Variants in CDKL5 observed in about 807,000 individuals in gnomAD.
CDKL5 encodes cyclin dependent kinase like 5.
A neutral mutation model predicts 61.7 loss-of-function variants in CDKL5; 8 were observed. The ratio of observed to expected loss-of-function variants is 0.13; its 90% CI spans 0.08 to 0.23. The LOEUF (loss-of-function observed/expected upper bound fraction) is 0.23. Among genes scored for constraint, CDKL5 ranks in the 10% least tolerant of loss-of-function variants. The pLI, the probability that CDKL5 is intolerant of heterozygous loss-of-function variation, is 1.00. For synonymous variants in CDKL5, 275 were observed against 272.3 expected, an observed-to-expected ratio of 1.01 and a Z score of -0.10; for missense variants, 440 against 734.5, an observed-to-expected ratio of 0.60 and a Z score of 4.63.
At chrX:18,460,294 C>G (rs1023912495) in intron 1 of CDKL5, among the ~76,000 whole-genome samples, 18 of 110,490 alleles carry the variant, frequency 1.6e-4, no homozygotes, top group African/African-American at 4.9e-4. Flanking sequence ...GTACTACACA[C>G]TTTTAAACAA....
chrX:18,432,970 G>A (rs2147617401), intron 1 of CDKL5, among the ~76,000 whole-genome samples: 1 of 112,154 alleles, frequency 8.9e-6, no homozygotes, highest in African/African-American at 3.2e-5. Flanking sequence ...GCTCACGCCT[G>A]TAATCCCAGC....
intron 1 of CDKL5, among the ~76,000 whole-genome samples, chrX:18,474,120 C>T (rs2147066571): frequency 9.0e-6 from 1 of 110,888 alleles, no homozygotes; most frequent in South Asian, 3.8e-4. Context: ...CCACCCGCAC[C>T]ATCCCAAAGT....
intron 3 of CDKL5, among the ~76,000 whole-genome samples, chrX:18,544,678 C>G (rs1464354169): frequency 8.9e-6 from 1 of 111,807 alleles, no homozygotes; most frequent in African/African-American, 3.2e-5. Context: ...CTATTATTTG[C>G]TTGAAATTAA....
At chrX:18,497,518 A>T (rs753115884) in intron 1 of CDKL5, 1 of 112,109 alleles carries the variant, frequency 8.9e-6, no homozygotes, top group Non-Finnish European at 1.9e-5. Context: ...GTTTAATGTG[A>T]TACTGCAATG....
At chrX:18,579,168 A>G (rs955508988) in intron 5 of CDKL5, among the ~76,000 whole-genome samples, 1 of 111,819 alleles carries the variant, frequency 8.9e-6, no homozygotes, top group Admixed American at 9.5e-5. Flanking sequence ...CTTGTACTTT[A>G]CAGTGAGAAA....
chrX:18,645,871 C>G, intron 19 of CDKL5: 1 of 944,732 alleles, frequency 1.1e-6, no homozygotes, highest in East Asian at 3.3e-5. Flanking sequence ...CCTAGTCTCC[C>G]TTGCAACTAG....
chrX:18,616,749 A>G (rs1926729202), intron 15 of CDKL5, among the ~76,000 whole-genome samples: 1 of 112,117 alleles, frequency 8.9e-6, no homozygotes, highest in Non-Finnish European at 1.9e-5. Flanking sequence ...TTGTCATCAT[A>G]ACTTTCAGAG....
chrX:18,648,568 C>T (rs2043379354), intron 20 of CDKL5, among the ~76,000 whole-genome samples: 1 of 111,567 alleles, frequency 9.0e-6, no homozygotes. Flanking sequence ...CTAAAGAGCT[C>T]TCCTTTTATT....
chrX:18,566,187 T>G (rs1318577972), intron 4 of CDKL5, among the ~76,000 whole-genome samples: 1 of 111,941 alleles, frequency 8.9e-6, no homozygotes, highest in Non-Finnish European at 1.9e-5. Context: ...GGTCTCACAC[T>G]GTCACCCAGG....
chrX:18,469,882 T>G (rs1485252683), intron 1 of CDKL5, among the ~76,000 whole-genome samples: 1 of 112,100 alleles, frequency 8.9e-6, no homozygotes, highest in Admixed American at 9.6e-5. Context: ...AATCCCCAAA[T>G]GACAAATTGA....
chrX:18,578,984 G>C (rs1394591317), intron 5 of CDKL5, among the ~76,000 whole-genome samples: 2 of 111,792 alleles, frequency 1.8e-5, no homozygotes, highest in African/African-American at 3.3e-5. Flanking sequence ...TGTACCATTA[G>C]TGTAAATGCC....
chrX:18,480,528 T>G (rs1178001227), intron 1 of CDKL5, among the ~76,000 whole-genome samples: 1 of 111,824 alleles, frequency 8.9e-6, no homozygotes, highest in Non-Finnish European at 1.9e-5. Flanking sequence ...AGTTACTATG[T>G]GCAGCCCACA....
intron 9 of CDKL5, 45 bp from the exon 10 acceptor site, chrX:18,595,303 T>C (rs1925954778): frequency 2.2e-6 from 2 of 925,427 alleles, no homozygotes; most frequent in Non-Finnish European, 3.1e-6. Context: ...TGCACACACA[T>C]GTCCTTCCCC....
At chrX:18,574,948 A>G (rs765984504) in intron 4 of CDKL5, among the ~76,000 whole-genome samples, 7 of 112,048 alleles carry the variant, frequency 6.2e-5, no homozygotes, top group Non-Finnish European at 9.4e-5. Context: ...GCACACTGAC[A>G]GTTTTGATTC....
chrX:18,448,501 G>A (rs951659380), intron 1 of CDKL5, among the ~76,000 whole-genome samples: 1 of 111,869 alleles, frequency 8.9e-6, no homozygotes, highest in African/African-American at 3.2e-5. Flanking sequence ...TTTACTTTTT[G>A]TCTTTTGCCT....
rs1927181096 is a variant in CDKL5, at chrX:18,629,737, A to G, written c.*980A>G. On this transcript the variant is annotated 3_prime_UTR_variant, in exon 18 of 18. Coordinates refer to ENST00000623535, the MANE Select transcript of CDKL5 (RefSeq NM_001323289.2). ...AAGAAAGTCAGATAGGCCAGTGAGA[A>G]TTCCAGCAGGCCTGGTTTCCGTCCT... The G allele has an allele frequency of 6.6e-6, 5 of 752,549 alleles. No individual in the cohort carries two copies. Among genetic ancestry groups the G allele is most frequent in the Non-Finnish European group, 4.7e-6 (3 of 639,181 alleles). The allele number at this position is 752,549 out of a possible 1,213,427, so 62.0% of individuals were successfully genotyped here.
In CDKL5 at chrX:18,606,174, T is replaced by TCACA. The variant is rs528800542; in HGVS notation, c.1944+1339_1944+1342dup. 5.7e-3 allele frequency among the ~76,000 whole-genome samples: 548 copies of TCACA among 96,884 alleles called. 1 individual carries two copies. Among genetic ancestry groups the TCACA allele is most frequent in the East Asian group, 0.02 (61 of 3,057 alleles). 84.1% of individuals were successfully genotyped at this position (96,884 alleles called of 115,157 possible). On this transcript the variant is annotated intron_variant, in intron 12 of 17. Transcript: ENST00000623535. ...TCAGCCTGGTGACAGAGCAAGACTGTCACACACACACACACACACACACAC... is the reference window on the plus strand; with the variant it reads ...TCAGCCTGGTGACAGAGCAAGACTGTCACACACACACACACACACACACACACAC...
chrX:18,608,882 C>T lies in CDKL5; in HGVS notation c.2016C>T (p.Thr672=). Residue 672 remains threonine, a synonymous_variant, in exon 13 of 18, where the codon ACC becomes ACT. Coordinates refer to ENST00000623535, the MANE Select transcript of CDKL5 (RefSeq NM_001323289.2). The part of the protein sequence containing the change: ...SSVKETSREG[T]SSFHTRQKSE... ...TCAAAGAGACCTCCAGAGAAGGCAC[C>T]TCTTCCTTCCATACACGCCAGAAGT... 2 of 1,199,867 alleles carry T rather than the reference C, an allele frequency of 1.7e-6. No homozygotes were observed. The highest frequency in any genetic ancestry group is 1.1e-6 in the Non-Finnish European group (1 of 884,964).
At chrX:18,585,328 G>C (rs1925607736) in intron 8 of CDKL5, among the ~76,000 whole-genome samples, 2 of 111,197 alleles carry the variant, frequency 1.8e-5, no homozygotes, top group Admixed American at 9.5e-5. Flanking sequence ...CCAGGAGGCA[G>C]AGGTCGCAGT....
Sources: allele counts gnomAD v4.1 joint callset (sites outside exome capture counted in the v4.1 genomes callset), GRCh38; gene constraint gnomAD v4.1.1; transcripts MANE v1.5; gene names NCBI Gene and HGNC (gene_info 2026-07-23, HGNC 2026-07-21).